The following PTCHD1 variants were observed in gnomAD, a reference collection of about 807,000 sequenced individuals.
PTCHD1 encodes the protein patched domain containing 1.
Under a neutral mutation model 34.6 loss-of-function variants are expected in PTCHD1, and 3 were observed. The ratio of observed to expected loss-of-function variants is 0.09; its 90% CI spans 0.04 to 0.22. The LOEUF (loss-of-function observed/expected upper bound fraction) is 0.22, where lower values mean the gene tolerates loss of function less well. Among genes scored for constraint, PTCHD1 ranks in the 10% least tolerant of loss-of-function variants. PTCHD1 has a pLI of 1.00. For missense variants in PTCHD1, 504 were observed against 685.5 expected (o/e 0.74, Z 2.96); for synonymous variants, 305 against 283.1 (o/e 1.08, Z -0.77).
rs1723794548 is a variant in PTCHD1 at position 23,401,370 on chromosome X, T to C, written c.*7185T>C. On this transcript the variant is annotated 3_prime_UTR_variant, in exon 3 of 3. Transcript: ENST00000379361. Reference sequence around the variant, plus strand: ...TTTAGCTCAGCCTTTCAGATATTTATTCTTTAAATTACCATCCTGTCAAAA... The same window carrying C: ...TTTAGCTCAGCCTTTCAGATATTTACTCTTTAAATTACCATCCTGTCAAAA... The C allele has an allele frequency of 8.9e-6, 1 of 112,215 alleles. No homozygotes were observed. Among genetic ancestry groups the C allele is most frequent in the African/African-American group, 3.2e-5 (1 of 30,879 alleles). 9.2% of individuals were successfully genotyped at this position (112,215 alleles called of 1,213,427 possible). A position where few individuals can be genotyped will look rare whatever the true frequency, so the allele number is the denominator to read the frequency against.
Position 23,341,184 on chromosome X carries a change from C to T in PTCHD1, c.351+5958C>T, listed in dbSNP as rs1396393447. On this transcript the variant is annotated intron_variant, in intron 1 of 2. Coordinates refer to ENST00000379361, the MANE Select transcript of PTCHD1 (RefSeq NM_173495.3). ...ATAAAGCCTTAGTGGGAGAGGAAGC[C>T]CACCTTTGTAATGACTCATGGCATC... 1.1e-4 allele frequency among the ~76,000 whole-genome samples: 12 copies of T among 111,330 alleles called. No homozygotes were observed. The Admixed American group carries it at 1.1e-3, about 11-fold the overall frequency.
At position 23,400,476 on chromosome X, in the gene PTCHD1, C is replaced by CA. The variant is rs1569144905; in HGVS notation, c.*6298dup. 1 of 112,239 alleles carries CA rather than the reference C, an allele frequency of 8.9e-6. No individual in the cohort carries two copies. The highest frequency in any genetic ancestry group is 1.9e-5 in the Non-Finnish European group (1 of 53,202). The allele number at this position is 112,239 out of a possible 1,213,427, so 9.2% of individuals were successfully genotyped here. A position where few individuals can be genotyped will look rare whatever the true frequency, so the allele number is the denominator to read the frequency against. On this transcript the variant is annotated 3_prime_UTR_variant, in exon 3 of 3. Coordinates refer to ENST00000379361, the MANE Select transcript of PTCHD1 (RefSeq NM_173495.3). The stretch of plus-strand genomic sequence containing the variant: ...CTGGCAACAGAGTGAGACTTCGTCT[C>CA]AAAAAAATAAAGGACAAGTGTGTTT...
intron 2 of PTCHD1, 97 bp downstream of exon 2, chrX:23,380,348 T>G (rs745900395): frequency 2.7e-5 from 23 of 847,421 alleles, no homozygotes; most frequent in Non-Finnish European, 2.4e-5. Context: ...TTTGTTTCAT[T>G]TAACAGTATC....
chrX:23,383,390 C>G (rs1369206037), intron 2 of PTCHD1, among the ~76,000 whole-genome samples: 1 of 111,274 alleles, frequency 9.0e-6, no homozygotes, highest in African/African-American at 3.3e-5. Flanking sequence ...GTCACATAGG[C>G]CAAATCCAGC....
In PTCHD1 at chrX:23,393,661, G is replaced by A; in HGVS notation, c.2143G>A (p.Ala715Thr). 8.3e-7 allele frequency: 1 copy of A among 1,211,756 alleles called. No homozygotes were observed. Among genetic ancestry groups the A allele is most frequent in the Non-Finnish European group, 1.1e-6 (1 of 895,503 alleles). Reference sequence around the variant, plus strand: ...TGCTTTGTTCCTGCTCTTCTTCTCGGCATTCCTGGTGGCAGATTCACTGAT... The same window carrying A: ...TGCTTTGTTCCTGCTCTTCTTCTCGACATTCCTGGTGGCAGATTCACTGAT... ...ISALFLLFFS[A>T]FLVADSLINV... is the part of the protein sequence containing the mutation. Residue 715 changes from alanine (A) to threonine (T), a missense_variant, in exon 3 of 3, where the codon GCA (alanine) becomes ACA (threonine). Coordinates refer to ENST00000379361, the MANE Select transcript of PTCHD1 (RefSeq NM_173495.3).
rs1923094240 is a variant in PTCHD1, at chrX:23,400,651, C to T, written c.*6466C>T. The T allele has an allele frequency of 8.9e-6, 1 of 111,779 alleles. No individual in the cohort carries two copies. The highest frequency in any genetic ancestry group is 3.3e-5 in the African/African-American group (1 of 30,721). 9.2% of individuals were successfully genotyped at this position (111,779 alleles called of 1,213,427 possible). ...ATATAACTTCAGGCACAACGGAAGC[C>T]GCCTCGGTTGGCCTATGGGAAGGGC... is the stretch of plus-strand genomic sequence containing the variant. On this transcript the variant is annotated 3_prime_UTR_variant, in exon 3 of 3. Coordinates refer to ENST00000379361, the MANE Select transcript of PTCHD1 (RefSeq NM_173495.3).
intron 1 of PTCHD1, among the ~76,000 whole-genome samples, chrX:23,360,153 C>A (rs1189880702): frequency 3.6e-5 from 4 of 112,130 alleles, no homozygotes; most frequent in Non-Finnish European, 7.5e-5. Flanking sequence ...CAGGATGATG[C>A]TGGCCTCATA....
rs1381104792 is a variant in PTCHD1, at chrX:23,403,150, T to C, written c.*8965T>C. On this transcript the variant is annotated 3_prime_UTR_variant, in exon 3 of 3. Transcript: ENST00000379361. The stretch of plus-strand genomic sequence containing the variant: ...CATTTTTAAGTTGCTTCCATGGCAA[T>C]AGATCGTAAGACCACAGCTTGTCAA... 1 of 112,194 alleles carries C rather than the reference T, an allele frequency of 8.9e-6. No individual in the cohort carries two copies. Among genetic ancestry groups the C allele is most frequent in the African/African-American group, 3.2e-5 (1 of 30,922 alleles). 9.2% of individuals were successfully genotyped at this position (112,194 alleles called of 1,213,427 possible).
At chrX:23,354,182 A>G (rs1360232075) in intron 1 of PTCHD1, among the ~76,000 whole-genome samples, 1 of 111,023 alleles carries the variant, frequency 9.0e-6, no homozygotes, top group African/African-American at 3.3e-5. Context: ...GTTTTTAATC[A>G]AGTATTCCAG....
chrX:23,337,636 T>G (rs1161511882), intron 1 of PTCHD1, among the ~76,000 whole-genome samples: 2 of 111,195 alleles, frequency 1.8e-5, no homozygotes, highest in Non-Finnish European at 3.8e-5. Context: ...GCTTCGTTAC[T>G]GGCATCAAGG....
intron 1 of PTCHD1, among the ~76,000 whole-genome samples, chrX:23,337,769 C>A (rs903715084): frequency 2.7e-5 from 3 of 111,109 alleles, no homozygotes; most frequent in Non-Finnish European, 5.7e-5. Flanking sequence ...CTTTTTCATA[C>A]CCCAGTACAG....
chrX:23,357,768 G>A (rs1460724984), intron 1 of PTCHD1, among the ~76,000 whole-genome samples: 2 of 111,275 alleles, frequency 1.8e-5, no homozygotes, highest in East Asian at 2.8e-4. Flanking sequence ...CCATCAACCC[G>A]TCATTTACAT....
intron 1 of PTCHD1, among the ~76,000 whole-genome samples, chrX:23,360,721 G>A (rs1430981501): frequency 9.0e-6 from 1 of 111,434 alleles, no homozygotes; most frequent in Non-Finnish European, 1.9e-5. Context: ...TGCTACTCCA[G>A]TTCTTTTAAT....
chrX:23,351,107 A>G lies in PTCHD1; in HGVS notation c.351+15881A>G, dbSNP rs1251033969. The stretch of plus-strand genomic sequence containing the variant: ...AATGGGAAACCAAGTGCCATCTTCA[A>G]AATTTCAGGTCTTAAATCTGGAGGA... On this transcript the variant is annotated intron_variant, in intron 1 of 2. Coordinates refer to ENST00000379361, the MANE Select transcript of PTCHD1 (RefSeq NM_173495.3). 5 of 493,318 alleles carry G rather than the reference A, an allele frequency of 1.0e-5. No homozygotes were observed. In the East Asian group the frequency reaches 1.5e-4, roughly 14 times the overall value. 40.7% of individuals were successfully genotyped at this position (493,318 alleles called of 1,213,427 possible). A position where few individuals can be genotyped will look rare whatever the true frequency, so the allele number is the denominator to read the frequency against.
intron 1 of PTCHD1, among the ~76,000 whole-genome samples, chrX:23,377,602 G>A (rs1922446568): frequency 1.8e-5 from 2 of 109,335 alleles, no homozygotes; most frequent in African/African-American, 6.7e-5. Context: ...GTGTGTGTGT[G>A]TGTGTGTGTG....
chrX:23,340,038 C>T (rs935957162), intron 1 of PTCHD1, among the ~76,000 whole-genome samples: 4 of 111,854 alleles, frequency 3.6e-5, no homozygotes, highest in African/African-American at 1.3e-4. Flanking sequence ...GGGGAAGAGG[C>T]ATGTGCTACT....
At position 23,354,430 on chromosome X, in the gene PTCHD1, C is replaced by CAGAG. The variant is rs3032246; in HGVS notation, c.351+19224_351+19227dup. Reference sequence around the variant, plus strand: ...AAACATAACCTCAGCTTATTTTACACAGAGAGAGAGAGAGAGAGAGAGAAA... The same window carrying CAGAG: ...AAACATAACCTCAGCTTATTTTACACAGAGAGAGAGAGAGAGAGAGAGAGAGAAA... On this transcript the variant is annotated intron_variant, in intron 1 of 2. Transcript: ENST00000379361. Among the ~76,000 whole-genome samples, 222 of 98,754 alleles carry CAGAG rather than the reference C, an allele frequency of 2.2e-3. 1 individual carries two copies. The highest frequency in any genetic ancestry group is 7.9e-3 in the African/African-American group (207 of 26,360). 85.8% of individuals were successfully genotyped at this position (98,754 alleles called of 115,157 possible). A position where few individuals can be genotyped will look rare whatever the true frequency, so the allele number is the denominator to read the frequency against.
chrX:23,336,676 A>T (rs1921178068), intron 1 of PTCHD1, among the ~76,000 whole-genome samples: 1 of 111,931 alleles, frequency 8.9e-6, no homozygotes, highest in Non-Finnish European at 1.9e-5. Context: ...ACATTTACTC[A>T]TCACAGAACC....
chrX:23,335,687 G>C lies in PTCHD1; in HGVS notation c.351+461G>C, dbSNP rs759413996. Among the ~76,000 whole-genome samples the C allele has an allele frequency of 1.4e-4, 16 of 111,369 alleles. No individual in the cohort carries two copies. The South Asian group carries it at 4.6e-3, about 32-fold the overall frequency. ...TCAGTTTTGTTTCTCCCTTTTTCTG[G>C]CCCCCCGGAGTGTTTGGGGAACGGT... On this transcript the variant is annotated intron_variant, in intron 1 of 2. Coordinates refer to ENST00000379361, the MANE Select transcript of PTCHD1 (RefSeq NM_173495.3).
Sources: gnomAD v4.1 joint callset for allele counts (sites outside exome capture counted in the v4.1 genomes callset) on GRCh38, gnomAD v4.1.1 for gene constraint, MANE v1.5 for transcripts, NCBI Gene and HGNC (gene_info 2026-07-23, HGNC 2026-07-21) for gene names.